Variants in GRAMD2B observed in about 807,000 individuals in gnomAD.
GRAMD2B encodes GRAM domain-containing protein 2B.
A neutral mutation model predicts 59.2 loss-of-function variants in GRAMD2B; 41 were observed. The observed-to-expected ratio is 0.69, with a 90% confidence interval of 0.54 to 0.90. The LOEUF (loss-of-function observed/expected upper bound fraction) is 0.90. GRAMD2B is among the 40% of genes least tolerant of loss of function. GRAMD2B has a pLI of 0.00. For missense variants in GRAMD2B, 424 were observed against 500.5 expected (o/e 0.85, Z 1.46); for synonymous variants, 161 against 182.7 (o/e 0.88, Z 0.96).
At chr5:126,423,263 T>C, upstream of GRAMD2B, 1 of 1,133,240 alleles carries the variant, frequency 8.8e-7, no homozygotes, top group Non-Finnish European at 1.1e-6. Flanking sequence ...TTCCACCTGC[T>C]TGGCCAATTA....
chr5:126,388,699 A>G (rs1366898977), intron 1 of GRAMD2B, among the ~76,000 whole-genome samples: 1 of 151,596 alleles, frequency 6.6e-6, no homozygotes, highest in Non-Finnish European at 1.5e-5. Context: ...ACATATTTGT[A>G]ATGTAGAATT....
chr5:126,492,204 A>C (rs963355126), intron 13 of GRAMD2B, among the ~76,000 whole-genome samples: 5 of 152,146 alleles, frequency 3.3e-5, no homozygotes, highest in African/African-American at 9.7e-5. Context: ...TTGGAGTAAC[A>C]GGAGTGTTAA....
chr5:126,367,300 G>GA (rs1468112302), upstream of GRAMD2B, among the ~76,000 whole-genome samples: 1 of 152,172 alleles, frequency 6.6e-6, no homozygotes, highest in Non-Finnish European at 1.5e-5. Flanking sequence ...TATTTGTAGA[G>GA]AAAATCTCGT....
At chr5:126,412,177 T>C (rs532602397) in intron 1 of GRAMD2B, among the ~76,000 whole-genome samples, 1 of 152,140 alleles carries the variant, frequency 6.6e-6, no homozygotes, top group Admixed American at 6.6e-5. Context: ...TGAGAATCCT[T>C]GTTTGTTCCA....
At chr5:126,369,342 G>A (rs1254180771), upstream of GRAMD2B, among the ~76,000 whole-genome samples, 1 of 151,988 alleles carries the variant, frequency 6.6e-6, no homozygotes, top group Non-Finnish European at 1.5e-5. Flanking sequence ...TTTAATTATG[G>A]CCAAGTGGTT....
chr5:126,411,887 G>A (rs1758833995), intron 1 of GRAMD2B, among the ~76,000 whole-genome samples: 1 of 128,532 alleles, frequency 7.8e-6, no homozygotes, highest in Non-Finnish European at 1.7e-5. Context: ...AAATGGGATT[G>A]CATTCTTGAT....
At chr5:126,426,217 A>G (rs1187410849) in intron 1 of GRAMD2B, among the ~76,000 whole-genome samples, 1 of 152,188 alleles carries the variant, frequency 6.6e-6, no homozygotes, top group African/African-American at 2.4e-5. Flanking sequence ...ATGCAGAAGG[A>G]ATAAGGAACT....
rs776121938 is a variant in GRAMD2B, at chr5:126,477,805, C to T, written c.582+18C>T. The T allele has an allele frequency of 9.4e-6, 14 of 1,492,164 alleles. No homozygotes were observed. The highest frequency in any genetic ancestry group is 1.7e-5 in the Admixed American group (1 of 59,872). The allele number at this position is 1,492,164 out of a possible 1,614,324, so 92.4% of individuals were successfully genotyped here. Reference sequence around the variant, plus strand: ...CAGACAGGGTGAGTATGCAGCCGAGCGAGGGCATCTTTGCTTTGTCCTCCT... The same window carrying T: ...CAGACAGGGTGAGTATGCAGCCGAGTGAGGGCATCTTTGCTTTGTCCTCCT... On this transcript the variant is annotated intron_variant, in intron 6 of 13. Transcript: ENST00000285689.
chr5:126,371,636 C>T lies in GRAMD2B; in HGVS notation c.125+69C>T, dbSNP rs1009779087. 9.3e-6 allele frequency: 11 copies of T among 1,176,770 alleles called. No individual in the cohort carries two copies. In the African/African-American group the frequency reaches 1.3e-4, roughly 14 times the overall value. The allele number at this position is 1,176,770 out of a possible 1,614,324, so 72.9% of individuals were successfully genotyped here. On this transcript the variant is annotated intron_variant, in intron 1 of 8. Coordinates refer to the GRAMD2B transcript ENST00000506445. ...TGGCCTCAGCTACCCAACTGGTGAC[C>T]CTTGGAGAGCTCCTTTTTCATTCCT...
At chr5:126,424,412 C>T (rs990059010) in intron 1 of GRAMD2B, among the ~76,000 whole-genome samples, 1 of 152,132 alleles carries the variant, frequency 6.6e-6, no homozygotes, top group Admixed American at 6.5e-5. Flanking sequence ...AGCTCTAAAA[C>T]TCTTGTTCTG....
chr5:126,403,908 T>C (rs1254465227), intron 1 of GRAMD2B, among the ~76,000 whole-genome samples: 1 of 151,930 alleles, frequency 6.6e-6, no homozygotes, highest in African/African-American at 2.4e-5. Flanking sequence ...AATAGCATCA[T>C]TTTTTCAAGC....
intron 1 of GRAMD2B, among the ~76,000 whole-genome samples, chr5:126,361,509 A>AAAAAAAC (rs34824920): frequency 6.9e-6 from 1 of 145,366 alleles, no homozygotes; most frequent in Non-Finnish European, 1.5e-5. Context: ...AAAAAAAAAA[A>AAAAAAAC]TTCTGTTTCC....
chr5:126,458,418 C>T (rs561519359), intron 1 of GRAMD2B, among the ~76,000 whole-genome samples: 1 of 149,774 alleles, frequency 6.7e-6, no homozygotes, highest in Non-Finnish European at 1.5e-5. Flanking sequence ...CCAGCCTGAG[C>T]GACAGAGTAA....
intron 3 of GRAMD2B, among the ~76,000 whole-genome samples, chr5:126,470,841 T>C (rs747848778): frequency 4.6e-5 from 7 of 152,218 alleles, no homozygotes; most frequent in Non-Finnish European, 7.3e-5. Context: ...ATTACGAGCA[T>C]GAGCCACCGC....
chr5:126,444,909 C>T (rs1763933741), intron 1 of GRAMD2B, among the ~76,000 whole-genome samples: 10 of 152,196 alleles, frequency 6.6e-5, no homozygotes, highest in Admixed American at 6.5e-4. Flanking sequence ...CATGTGTTCT[C>T]ATCGTTCAAC....
intron 1 of GRAMD2B, among the ~76,000 whole-genome samples, chr5:126,394,056 C>T (rs918976534): frequency 2.0e-5 from 3 of 152,038 alleles, no homozygotes; most frequent in East Asian, 3.9e-4. Flanking sequence ...GGGCAGATCA[C>T]GAGGTGAGGA....
intron 2 of GRAMD2B, 78 bp from the exon 3 acceptor site, chr5:126,469,599 C>T: frequency 1.1e-6 from 1 of 895,958 alleles, no homozygotes. Context: ...CATGCTGCTG[C>T]ACTTCAGCCT....
intron 1 of GRAMD2B, among the ~76,000 whole-genome samples, chr5:126,456,189 C>A (rs1278427995): frequency 6.6e-6 from 1 of 152,012 alleles, no homozygotes; most frequent in Non-Finnish European, 1.5e-5. Flanking sequence ...TCTCCCATCC[C>A]CTATCTGCCC....
chr5:126,360,315 C>G (rs1337543434), exon 1 of GRAMD2B: 1 of 1,550,764 alleles, frequency 6.4e-7, no homozygotes, highest in Non-Finnish European at 8.7e-7. Flanking sequence ...TCTTGAAGAT[C>G]ACCTGGCCTC....
Sources: gnomAD v4.1 joint callset for allele counts (sites outside exome capture counted in the v4.1 genomes callset) on GRCh38, gnomAD v4.1.1 for gene constraint, MANE v1.5 for transcripts, NCBI Gene and HGNC (gene_info 2026-07-23, HGNC 2026-07-21) for gene names.